Variants in RBFOX2 observed in about 807,000 individuals in gnomAD.
The protein encoded by RBFOX2 is RNA binding protein fox-1 homolog 2.
A neutral mutation model predicts 49.1 loss-of-function variants in RBFOX2; 10 were observed. The observed-to-expected ratio is 0.20, with a 90% CI of 0.13 to 0.35. The LOEUF is 0.35. Among genes scored for constraint, RBFOX2 ranks in the 10% least tolerant of loss-of-function variants. The pLI, the probability that RBFOX2 is intolerant of heterozygous loss-of-function variation, is 1.00. For synonymous variants in RBFOX2, 183 were observed against 187.4 expected, an observed-to-expected ratio of 0.98 and a Z score of 0.19; for missense variants, 323 against 486.9, an observed-to-expected ratio of 0.66 and a Z score of 3.17.
At chr22:35,987,505 A>C (rs1227072143) in intron 1 of RBFOX2, among the ~76,000 whole-genome samples, 1 of 152,252 alleles carries the variant, frequency 6.6e-6, no homozygotes, top group Middle Eastern at 3.2e-3. Context: ...GCTGAACAGG[A>C]GATGTTTCAG....
chr22:35,971,975 G>A (rs2056903755), intron 1 of RBFOX2, among the ~76,000 whole-genome samples: 1 of 140,672 alleles, frequency 7.1e-6, no homozygotes, highest in Admixed American at 7.5e-5. Flanking sequence ...TTTCCTGCCT[G>A]CAACCTTCTC....
At chr22:35,880,451 A>G (rs565077199) in intron 1 of RBFOX2, among the ~76,000 whole-genome samples, 28 of 152,308 alleles carry the variant, frequency 1.8e-4, no homozygotes, top group African/African-American at 6.0e-4. Flanking sequence ...AGGCAGTTAG[A>G]TATGAGCTTC....
chr22:35,833,196 C>T (rs1393522652), intron 1 of RBFOX2, among the ~76,000 whole-genome samples: 2 of 151,938 alleles, frequency 1.3e-5, no homozygotes, highest in East Asian at 1.9e-4. Context: ...TTCTGGAAAC[C>T]GTATGTTTTC....
At chr22:35,813,302 A>G (rs754760692) in intron 1 of RBFOX2, among the ~76,000 whole-genome samples, 30 of 152,322 alleles carry the variant, frequency 2.0e-4, no homozygotes, top group Non-Finnish European at 4.1e-4. Context: ...CCAAAGTTCT[A>G]TGCTCAGAAG....
intron 1 of RBFOX2, among the ~76,000 whole-genome samples, chr22:35,845,834 G>A (rs2148911287): frequency 6.6e-6 from 1 of 152,250 alleles, no homozygotes; most frequent in South Asian, 2.1e-4. Flanking sequence ...CCACGAATAT[G>A]CCATGCCTCT....
chr22:35,845,797 G>A (rs191515734), intron 1 of RBFOX2, among the ~76,000 whole-genome samples: 1 of 152,250 alleles, frequency 6.6e-6, no homozygotes, highest in Admixed American at 6.5e-5. Flanking sequence ...TGTGAAAATT[G>A]AAGACTGCTC....
At chr22:35,957,597 C>A (rs1198150768) in intron 1 of RBFOX2, among the ~76,000 whole-genome samples, 1 of 152,206 alleles carries the variant, frequency 6.6e-6, no homozygotes, top group African/African-American at 2.4e-5. Context: ...CATAACAATT[C>A]TGTTAGATAG....
At chr22:35,815,958 G>A (rs1171912143) in intron 1 of RBFOX2, among the ~76,000 whole-genome samples, 9 of 152,116 alleles carry the variant, frequency 5.9e-5, no homozygotes, top group Non-Finnish European at 1.3e-4. Context: ...GGTACTAAAA[G>A]CAGTGGCTTC....
chr22:35,795,553 T>G (rs1948632339), intron 2 of RBFOX2, among the ~76,000 whole-genome samples: 1 of 139,888 alleles, frequency 7.1e-6, no homozygotes. Context: ...AAGAAGTCAA[T>G]GGGCAATACC....
intron 2 of RBFOX2, among the ~76,000 whole-genome samples, chr22:35,784,792 C>T (rs989538659): frequency 2.0e-5 from 3 of 152,296 alleles, no homozygotes; most frequent in Admixed American, 1.3e-4. Flanking sequence ...AGGCCCGCAG[C>T]TGGTTGCCGT....
intron 2 of RBFOX2, among the ~76,000 whole-genome samples, chr22:35,797,145 T>G (rs1948926267): frequency 6.6e-6 from 1 of 152,192 alleles, no homozygotes; most frequent in Non-Finnish European, 1.5e-5. Flanking sequence ...TTATACACTC[T>G]TCAAACATAA....
intron 1 of RBFOX2, among the ~76,000 whole-genome samples, chr22:35,890,151 G>A (rs926231870): frequency 5.9e-5 from 9 of 151,976 alleles, no homozygotes; most frequent in African/African-American, 2.2e-4. Context: ...TATCTTTTTC[G>A]TAACCTGAAA....
intron 1 of RBFOX2, among the ~76,000 whole-genome samples, chr22:35,960,772 C>G (rs2056111114): frequency 6.6e-6 from 1 of 152,014 alleles, no homozygotes; most frequent in Admixed American, 6.6e-5. Flanking sequence ...TTTCAAAAAC[C>G]TAGGTAGGTA....
At chr22:35,936,257 A>G (rs1402420494) in intron 1 of RBFOX2, among the ~76,000 whole-genome samples, 1 of 150,156 alleles carries the variant, frequency 6.7e-6, no homozygotes, top group Non-Finnish European at 1.5e-5. Flanking sequence ...AAAAAAAAAA[A>G]GGGAAAGCAA....
chr22:35,976,584 A>G (rs1208513975), intron 1 of RBFOX2, among the ~76,000 whole-genome samples: 2 of 152,262 alleles, frequency 1.3e-5, no homozygotes, highest in African/African-American at 2.4e-5. Context: ...AAGTAATAAC[A>G]GAATGAATGA....
intron 1 of RBFOX2, among the ~76,000 whole-genome samples, chr22:35,919,228 G>A (rs2050754160): frequency 1.3e-5 from 2 of 152,190 alleles, no homozygotes; most frequent in Middle Eastern, 3.2e-3. Context: ...GGAAGTAGTG[G>A]GCATAGAGGA....
At chr22:36,025,401 C>T (rs2059394724) in intron 1 of RBFOX2, among the ~76,000 whole-genome samples, 2 of 152,150 alleles carry the variant, frequency 1.3e-5, no homozygotes, top group Non-Finnish European at 2.9e-5. Context: ...CTCTCCCTTT[C>T]CCTGCTTTTT....
chr22:35,773,111 A>G (rs761450232), intron 4 of RBFOX2, among the ~76,000 whole-genome samples: 1 of 151,676 alleles, frequency 6.6e-6, no homozygotes, highest in Non-Finnish European at 1.5e-5. Context: ...TTTTAAATAT[A>G]ATAAAAACCA....
intron 1 of RBFOX2, among the ~76,000 whole-genome samples, chr22:35,967,390 TA>T (rs74267838): frequency 1.2e-3 from 133 of 113,312 alleles, no homozygotes; most frequent in Non-Finnish European, 1.2e-3. Context: ...AATAAAAAAT[TA>T]AAAAAAAAAA....
Sources: gnomAD v4.1 joint callset for allele counts (sites outside exome capture counted in the v4.1 genomes callset) on GRCh38, gnomAD v4.1.1 for gene constraint, MANE v1.5 for transcripts, NCBI Gene and HGNC (gene_info 2026-07-23, HGNC 2026-07-21) for gene names.